The following ABCG2 variants were observed in gnomAD, a reference collection of about 807,000 sequenced individuals.
The protein encoded by ABCG2 is broad substrate specificity ATP-binding cassette transporter ABCG2.
A neutral mutation model predicts 73.5 loss-of-function variants in ABCG2; 80 were observed. The observed-to-expected ratio is 1.09, with a 90% CI of 0.91 to 1.31. The LOEUF (loss-of-function observed/expected upper bound fraction) is 1.31, where lower values mean the gene tolerates loss of function less well. ABCG2 is among the 50% of genes most tolerant of loss of function. The probability of loss-of-function intolerance (pLI) is 0.00; values close to 1 mark genes in which losing one functional copy is unlikely to be tolerated. For missense variants in ABCG2, 796 were observed against 786.2 expected (o/e 1.01, Z -0.15); for synonymous variants, 269 against 282.4 (o/e 0.95, Z 0.48).
chr4:88,164,451 A>T lies in ABCG2; in HGVS notation c.-19-24437T>A, dbSNP rs549198199. On this transcript the variant is annotated intron_variant, in intron 1 of 15. Coordinates refer to the ABCG2 transcript ENST00000515655. Reference sequence around the variant, plus strand: ...TCGAATCACAGGGGTAATTATTCCTATGCTGCTGTTCTGATAGTGAGTTCT... The same window carrying T: ...TCGAATCACAGGGGTAATTATTCCTTTGCTGCTGTTCTGATAGTGAGTTCT... 2.1e-4 allele frequency among the ~76,000 whole-genome samples: 32 copies of T among 152,234 alleles called. No homozygotes were observed. In the Middle Eastern group the frequency reaches 0.01, roughly 49 times the overall value.
chr4:88,227,345 G>A (rs1040622358), intron 1 of ABCG2, among the ~76,000 whole-genome samples: 5 of 152,116 alleles, frequency 3.3e-5, no homozygotes, highest in African/African-American at 7.2e-5. Flanking sequence ...GCAGTGAGCC[G>A]AGATCGCGCC....
At chr4:88,172,716 G>A (rs1727804639) in intron 1 of ABCG2, among the ~76,000 whole-genome samples, 1 of 152,098 alleles carries the variant, frequency 6.6e-6, no homozygotes, top group Admixed American at 6.5e-5. Flanking sequence ...CAAATTCTTA[G>A]AGGAGGCTTT....
At chr4:88,219,576 A>ATTTT (rs5860122) in intron 1 of ABCG2, among the ~76,000 whole-genome samples, 4,857 of 90,846 alleles carry the variant, frequency 0.053, 438 homozygotes, top group Non-Finnish European at 0.065. Flanking sequence ...TACCATTCAA[A>ATTTT]TTTTTTTTTT....
chr4:88,129,125 C>T (rs1453296527), intron 5 of ABCG2, among the ~76,000 whole-genome samples: 1 of 152,154 alleles, frequency 6.6e-6, no homozygotes, highest in African/African-American at 2.4e-5. Flanking sequence ...TCCAGGTGGA[C>T]TTACAATAAG....
At chr4:88,111,600 A>G (rs1343887557) in intron 9 of ABCG2, among the ~76,000 whole-genome samples, 1 of 152,192 alleles carries the variant, frequency 6.6e-6, no homozygotes, top group Admixed American at 6.5e-5. Flanking sequence ...ATACTTAAGT[A>G]TAGAAATTAT....
At chr4:88,136,014 G>C (rs1725222165) in intron 2 of ABCG2, among the ~76,000 whole-genome samples, 1 of 152,084 alleles carries the variant, frequency 6.6e-6, no homozygotes, top group South Asian at 2.1e-4. Context: ...TGGAAATATA[G>C]ACAGAATCTT....
In ABCG2 at chr4:88,095,677, C is replaced by G. The variant is rs1721938092; in HGVS notation, c.1648-68G>C. 4.1e-6 allele frequency: 5 copies of G among 1,217,222 alleles called. No individual in the cohort carries two copies. In the Admixed American group the frequency reaches 9.1e-5, roughly 22 times the overall value. The allele number at this position is 1,217,222 out of a possible 1,614,324, so 75.4% of individuals were successfully genotyped here. A position where few individuals can be genotyped will look rare whatever the true frequency, so the allele number is the denominator to read the frequency against. On this transcript the variant is annotated intron_variant, in intron 13 of 15. Transcript: ENST00000237612. ...TTCATGCAGAATTCTAGAGAATACC[C>G]TCTTCAAGTCCCTACCACTTTGTAA...
intron 10 of ABCG2, 118 bp downstream of exon 10, chr4:88,107,066 C>G: frequency 1.3e-6 from 1 of 761,388 alleles, no homozygotes; most frequent in Non-Finnish European, 2.1e-6. Context: ...TCATCCTACC[C>G]TCAATAAAAG....
At chr4:88,170,609 C>T (rs1002717516) in intron 1 of ABCG2, among the ~76,000 whole-genome samples, 8 of 152,230 alleles carry the variant, frequency 5.3e-5, no homozygotes, top group South Asian at 2.1e-4. Flanking sequence ...CTTGCCTCTC[C>T]GGCATTCAAA....
chr4:88,155,030 G>A (rs1259117601), intron 1 of ABCG2, among the ~76,000 whole-genome samples: 1 of 152,128 alleles, frequency 6.6e-6, no homozygotes, highest in African/African-American at 2.4e-5. Flanking sequence ...CTGCACTTCG[G>A]CTGTGTGTAA....
intron 1 of ABCG2, among the ~76,000 whole-genome samples, chr4:88,208,447 G>A (rs1282019287): frequency 6.6e-6 from 1 of 152,160 alleles, no homozygotes; most frequent in Admixed American, 6.5e-5. Context: ...TTGGCCCAGG[G>A]AACTCTACTA....
At chr4:88,134,649 C>T (rs577055721) in intron 2 of ABCG2, among the ~76,000 whole-genome samples, 13 of 152,308 alleles carry the variant, frequency 8.5e-5, no homozygotes, top group Admixed American at 2.6e-4. Context: ...AAAATACCTA[C>T]TCAAATAAAG....
intron 1 of ABCG2, among the ~76,000 whole-genome samples, chr4:88,203,000 T>C (rs989789169): frequency 3.9e-5 from 6 of 152,220 alleles, no homozygotes; most frequent in African/African-American, 1.2e-4. Flanking sequence ...ACTAATAGGG[T>C]AGGTTTCCAT....
Position 88,122,045 on chromosome 4 carries a change from C to T in ABCG2, c.532-253G>A, listed in dbSNP as rs371315250. Among the ~76,000 whole-genome samples, 63 of 152,026 alleles carry T rather than the reference C, an allele frequency of 4.1e-4. 2 individuals carry two copies. The South Asian group carries it at 0.012, about 29-fold the overall frequency. ...CTCCTTGGGTGAGGCTATGCCTCACCCAGGAAGCACAAGGGGTGGGGGAAG... is the reference window on the plus strand; with the variant it reads ...CTCCTTGGGTGAGGCTATGCCTCACTCAGGAAGCACAAGGGGTGGGGGAAG... On this transcript the variant is annotated intron_variant, in intron 5 of 15. Coordinates refer to ENST00000237612, the MANE Select transcript of ABCG2 (RefSeq NM_004827.3).
intron 1 of ABCG2, among the ~76,000 whole-genome samples, chr4:88,152,440 T>C (rs1045574410): frequency 1.3e-5 from 2 of 151,860 alleles, no homozygotes; most frequent in Admixed American, 1.3e-4. Context: ...CAAAGGGAGA[T>C]AGGGATGGGG....
At chr4:88,156,196 A>T (rs1726924945) in intron 1 of ABCG2, among the ~76,000 whole-genome samples, 1 of 151,742 alleles carries the variant, frequency 6.6e-6, no homozygotes, top group African/African-American at 2.4e-5. Context: ...CCAACATGGA[A>T]AACCCCGTCT....
At chr4:88,227,701 T>C (rs895355071) in intron 1 of ABCG2, among the ~76,000 whole-genome samples, 15 of 152,148 alleles carry the variant, frequency 9.9e-5, no homozygotes, top group Admixed American at 7.9e-4. Context: ...GTCAAATATT[T>C]TTTTCCTGGG....
intron 9 of ABCG2, 48 bp downstream of exon 9, chr4:88,113,255 G>A (rs1422328130): frequency 8.8e-6 from 14 of 1,588,674 alleles, no homozygotes; most frequent in Non-Finnish European, 1.1e-5. Context: ...GATGATAACA[G>A]AACCACATTG....
At chr4:88,197,119 C>G (rs1268825221) in intron 1 of ABCG2, among the ~76,000 whole-genome samples, 3 of 151,454 alleles carry the variant, frequency 2.0e-5, no homozygotes, top group Non-Finnish European at 4.4e-5. Flanking sequence ...CCTACCCACC[C>G]CACCTCACCA....
Sources: allele counts gnomAD v4.1 joint callset (sites outside exome capture counted in the v4.1 genomes callset), GRCh38; gene constraint gnomAD v4.1.1; transcripts MANE v1.5; gene names NCBI Gene and HGNC (gene_info 2026-07-23, HGNC 2026-07-21).